Variants in ARHGAP35 observed in about 807,000 individuals in gnomAD.
ARHGAP35 encodes the protein rho GTPase-activating protein 35.
ARHGAP35 carries 15 observed loss-of-function variants against 111.1 expected under a neutral mutation model. That is an observed-to-expected ratio of 0.13 (90% CI 0.09 to 0.21). The LOEUF (loss-of-function observed/expected upper bound fraction) is 0.21. Ranked by LOEUF, ARHGAP35 falls within the 10% of genes least tolerant of loss-of-function variation. The probability of loss-of-function intolerance (pLI) is 1.00; values close to 1 mark genes in which losing one functional copy is unlikely to be tolerated. For synonymous variants in ARHGAP35, 643 were observed against 710.3 expected, an observed-to-expected ratio of 0.91 and a Z score of 1.51; for missense variants, 1,262 against 1,873.0, an observed-to-expected ratio of 0.67 and a Z score of 6.02.
In ARHGAP35 at chr19:47,001,322, C is replaced by T. The variant is rs1023119634; in HGVS notation, c.*634C>T. 3.5e-5 allele frequency: 45 copies of T among 1,290,300 alleles called. No homozygotes were observed. The highest frequency in any genetic ancestry group is 3.8e-5 in the Non-Finnish European group (38 of 989,256). 79.9% of individuals were successfully genotyped at this position (1,290,300 alleles called of 1,614,324 possible). A position where few individuals can be genotyped will look rare whatever the true frequency, so the allele number is the denominator to read the frequency against. On this transcript the variant is annotated 3_prime_UTR_variant, in exon 7 of 7. Coordinates refer to ENST00000672722, the MANE Select transcript of ARHGAP35 (RefSeq NM_004491.5). This position sits in a 1 kb window ranked among gnomAD's most constrained non-coding sequence, Gnocchi z 5.4. ...GTGGGACTCCCCGCTTCATCCCCAC[C>T]GTCCCACTCCACAGCCTTCCCGAAA... is the stretch of plus-strand genomic sequence containing the variant.
At chr19:46,937,797 T>C (rs1385609266) in intron 3 of ARHGAP35, among the ~76,000 whole-genome samples, 2 of 152,208 alleles carry the variant, frequency 1.3e-5, no homozygotes, top group Non-Finnish European at 2.9e-5. Flanking sequence ...AGTACTATAG[T>C]GGATACATAA....
At chr19:46,888,731 T>C (rs1021808337) in intron 1 of ARHGAP35, among the ~76,000 whole-genome samples, 2 of 151,636 alleles carry the variant, frequency 1.3e-5, no homozygotes, top group East Asian at 1.9e-4. Context: ...TGGTGGCTTA[T>C]GCCTGTAATC....
At chr19:46,907,885 G>T (rs539701169) in intron 1 of ARHGAP35, among the ~76,000 whole-genome samples, 6 of 152,260 alleles carry the variant, frequency 3.9e-5, no homozygotes, top group African/African-American at 1.4e-4. Flanking sequence ...TATTACTTGC[G>T]ATAGCCTGTT....
At chr19:46,881,958 T>C (rs1291462136) in intron 1 of ARHGAP35, among the ~76,000 whole-genome samples, 1 of 152,242 alleles carries the variant, frequency 6.6e-6, no homozygotes, top group Non-Finnish European at 1.5e-5. Context: ...GTGGCTACTT[T>C]CCTTAAACCT....
chr19:46,893,085 A>G (rs1475158047), intron 1 of ARHGAP35, among the ~76,000 whole-genome samples: 3 of 152,208 alleles, frequency 2.0e-5, no homozygotes, highest in Non-Finnish European at 4.4e-5. Context: ...AGAGTGATAC[A>G]TATGAAGGAA....
In ARHGAP35 at chr19:46,972,514, C is replaced by T. The variant is rs148124345; in HGVS notation, c.3827-15475C>T. Among the ~76,000 whole-genome samples, 59 of 152,286 alleles carry T rather than the reference C, an allele frequency of 3.9e-4. No individual in the cohort carries two copies. The East Asian group carries it at 0.01, about 26-fold the overall frequency. On this transcript the variant is annotated intron_variant, in intron 3 of 6. Transcript: ENST00000672722. ...TCTTTCTTTAGACTTAGGCGTGCGG[C>T]GCACAGCCTTTCGTGAGAGGTACGA...
At chr19:46,936,976 A>T (rs774069853) in intron 2 of ARHGAP35, among the ~76,000 whole-genome samples, 10 of 151,116 alleles carry the variant, frequency 6.6e-5, no homozygotes, top group Non-Finnish European at 1.2e-4. Context: ...AGTAGCTGGG[A>T]TTACAGGCGC....
In ARHGAP35 at chr19:46,885,623, C is replaced by G. The variant is rs900590806; in HGVS notation, c.-189+24414C>G. The stretch of plus-strand genomic sequence containing the variant: ...TGATCATTGGGAAATGTTTCTCTCA[C>G]GGGAAGGTATTTGGATGGGCATAGT... On this transcript the variant is annotated intron_variant, in intron 1 of 6. Coordinates refer to ENST00000672722, the MANE Select transcript of ARHGAP35 (RefSeq NM_004491.5). Among the ~76,000 whole-genome samples, 3 of 152,208 alleles carry G rather than the reference C, an allele frequency of 2.0e-5. No homozygotes were observed. The South Asian group carries it at 6.2e-4, about 32-fold the overall frequency.
intron 1 of ARHGAP35, among the ~76,000 whole-genome samples, chr19:46,861,686 CCCT>C (rs1323217171): frequency 1.3e-5 from 2 of 152,178 alleles, no homozygotes; most frequent in East Asian, 3.9e-4. Context: ...TGACGCTTCT[CCCT>C]CTTCTCGATT....
At chr19:46,931,764 T>C (rs1013194185) in intron 2 of ARHGAP35, among the ~76,000 whole-genome samples, 6 of 152,148 alleles carry the variant, frequency 3.9e-5, no homozygotes, top group Non-Finnish European at 8.8e-5. Context: ...AGATAGACCA[T>C]GCAGGGGAAA....
At chr19:46,893,323 G>C (rs1440511200) in intron 1 of ARHGAP35, among the ~76,000 whole-genome samples, 1 of 152,046 alleles carries the variant, frequency 6.6e-6, no homozygotes, top group African/African-American at 2.4e-5. Context: ...AACTGTTCGG[G>C]TTGGACTTTT....
chr19:46,978,747 T>TGTGTGTGTGGTGGGGC (rs2056598567), intron 3 of ARHGAP35, among the ~76,000 whole-genome samples: 1 of 87,494 alleles, frequency 1.1e-5, no homozygotes, highest in African/African-American at 4.7e-5. Flanking sequence ...CTGTGTGGTG[T>TGTGTGTGTGGTGGGGC]GTGTGTGTGG....
chr19:46,959,066 CT>C (rs1442659611), intron 3 of ARHGAP35, among the ~76,000 whole-genome samples: 1 of 151,992 alleles, frequency 6.6e-6, no homozygotes, highest in African/African-American at 2.4e-5. Context: ...GGAAAATCTC[CT>C]TTTTTAAAAA....
intron 1 of ARHGAP35, among the ~76,000 whole-genome samples, chr19:46,869,281 A>C (rs2055874983): frequency 1.3e-5 from 2 of 152,018 alleles, no homozygotes; most frequent in South Asian, 4.2e-4. Flanking sequence ...GTTACAGCTA[A>C]TAGCCTCCTG....
At chr19:46,948,070 T>TC (rs768683342) in intron 3 of ARHGAP35, 1 of 152,112 alleles carries the variant, frequency 6.6e-6, no homozygotes, top group Non-Finnish European at 1.5e-5. Flanking sequence ...CAGCATTCCT[T>TC]CCCCCAGGGT....
chr19:46,909,548 C>G (rs1356075365), intron 1 of ARHGAP35, among the ~76,000 whole-genome samples: 1 of 152,170 alleles, frequency 6.6e-6, no homozygotes, highest in South Asian at 2.1e-4. Flanking sequence ...TCTAAAGATC[C>G]AGATGACCCA....
In ARHGAP35 at chr19:46,886,818, T is replaced by C. The variant is rs1052416097; in HGVS notation, c.-189+25609T>C. Reference sequence around the variant, plus strand: ...GTGGGAAAGAGGATGAATCACTGTTTTCTCCCTTCCCAAATCCCAGATGAT... The same window carrying C: ...GTGGGAAAGAGGATGAATCACTGTTCTCTCCCTTCCCAAATCCCAGATGAT... On this transcript the variant is annotated intron_variant, in intron 1 of 6. Transcript: ENST00000672722. Among the ~76,000 whole-genome samples the C allele has an allele frequency of 6.6e-5, 10 of 152,354 alleles. No homozygotes were observed. In the East Asian group the frequency reaches 1.9e-3, roughly 29 times the overall value.
rs1323534785 is a variant in ARHGAP35 at position 46,992,483 on chromosome 19, C to T, written c.4036+2808C>T. 6.6e-6 allele frequency among the ~76,000 whole-genome samples: 1 copy of T among 152,118 alleles called. No homozygotes were observed. The highest frequency in any genetic ancestry group is 1.5e-5 in the Non-Finnish European group (1 of 68,024). On this transcript the variant is annotated intron_variant, in intron 5 of 6. Coordinates refer to ENST00000672722, the MANE Select transcript of ARHGAP35 (RefSeq NM_004491.5). This position sits in a 1 kb window ranked among gnomAD's most constrained non-coding sequence, Gnocchi z 4.4. ...TTGCGCTGCCTGTTCTGTCTCCTAC[C>T]TGTAGCCCACCCCCACCTTCAAGAG... is the stretch of plus-strand genomic sequence containing the variant.
intron 1 of ARHGAP35, among the ~76,000 whole-genome samples, chr19:46,899,541 C>G (rs1232423479): frequency 6.6e-6 from 1 of 151,788 alleles, no homozygotes; most frequent in Non-Finnish European, 1.5e-5. Context: ...AAAAAAAATA[C>G]AAAAATTAGC....
Sources: allele counts gnomAD v4.1 joint callset (sites outside exome capture counted in the v4.1 genomes callset), GRCh38; gene constraint gnomAD v4.1.1; non-coding constraint Gnocchi (gnomAD v3.1); transcripts MANE v1.5; gene names NCBI Gene and HGNC (gene_info 2026-07-23, HGNC 2026-07-21).